SLC35F3: variants seen among roughly 807,000 people sequenced by gnomAD.
SLC35F3 encodes solute carrier family 35 member F3.
Under a neutral mutation model 49.9 loss-of-function variants are expected in SLC35F3, and 25 were observed. The observed-to-expected ratio is 0.50, with a 90% CI of 0.37 to 0.70. SLC35F3 has a LOEUF of 0.70. Among genes scored for constraint, SLC35F3 ranks in the 30% least tolerant of loss-of-function variants. SLC35F3 has a pLI of 0.00. For missense variants in SLC35F3, 525 were observed against 639.8 expected (o/e 0.82, Z 1.94); for synonymous variants, 275 against 265.4 (o/e 1.04, Z -0.35).
At chr1:234,203,828 T>C (rs990190395) in intron 2 of SLC35F3, among the ~76,000 whole-genome samples, 29 of 152,202 alleles carry the variant, frequency 1.9e-4, no homozygotes, top group African/African-American at 6.8e-4. Flanking sequence ...TTACTTATGG[T>C]AGTTAGAACA....
rs533311281 is a variant in SLC35F3 at position 234,009,445 on chromosome 1, C to T, written c.283+103687C>T. On this transcript the variant is annotated intron_variant, in intron 2 of 7. Transcript: ENST00000366618. ...GATGACATGTAATCACACAGGGCTC[C>T]TCTGAACCAGAATTTTCTTTTAATT... Among the ~76,000 whole-genome samples the T allele has an allele frequency of 2.0e-5, 3 of 152,344 alleles. No homozygotes were observed. In the East Asian group the frequency reaches 5.8e-4, roughly 29 times the overall value.
chr1:233,920,596 A>G (rs1219912042), intron 2 of SLC35F3, among the ~76,000 whole-genome samples: 1 of 152,228 alleles, frequency 6.6e-6, no homozygotes, highest in Non-Finnish European at 1.5e-5. Context: ...ACCCTTGAAT[A>G]ATCACCTCCC....
At chr1:234,071,593 A>G (rs1015470681) in intron 2 of SLC35F3, among the ~76,000 whole-genome samples, 11 of 152,368 alleles carry the variant, frequency 7.2e-5, no homozygotes, top group African/African-American at 2.6e-4. Flanking sequence ...GGCTCTCACC[A>G]TGAAAGTTAC....
At chr1:234,148,846 G>A (rs1015829805) in intron 2 of SLC35F3, among the ~76,000 whole-genome samples, 19 of 152,018 alleles carry the variant, frequency 1.2e-4, no homozygotes, top group Admixed American at 1.2e-3. Context: ...GGATATGAGG[G>A]AAGAGGAAAA....
chr1:234,322,650 C>CGT (rs55827503), intron 7 of SLC35F3, among the ~76,000 whole-genome samples: 16,053 of 144,760 alleles, frequency 0.11, 923 homozygotes, highest in Middle Eastern at 0.18. Context: ...GGGTCAAATG[C>CGT]GTGTGTGTGT....
intron 2 of SLC35F3, among the ~76,000 whole-genome samples, chr1:234,074,197 G>A (rs1415187657): frequency 2.0e-5 from 3 of 152,032 alleles, no homozygotes; most frequent in African/African-American, 7.3e-5. Context: ...GTACGTCAAG[G>A]TCACGGGTCA....
At chr1:234,117,674 C>G (rs904796030) in intron 2 of SLC35F3, among the ~76,000 whole-genome samples, 1 of 150,868 alleles carries the variant, frequency 6.6e-6, no homozygotes, top group African/African-American at 2.4e-5. Context: ...ATCACGAGGT[C>G]AGGAGATACA....
At chr1:234,244,809 T>G (rs1470376725) in intron 3 of SLC35F3, among the ~76,000 whole-genome samples, 2 of 152,128 alleles carry the variant, frequency 1.3e-5, no homozygotes, top group Non-Finnish European at 2.9e-5. Context: ...ATTTAGAGGA[T>G]TTGTGCATTT....
At chr1:234,317,871 A>G (rs1657528033) in intron 5 of SLC35F3, among the ~76,000 whole-genome samples, 1 of 152,230 alleles carries the variant, frequency 6.6e-6, no homozygotes, top group African/African-American at 2.4e-5. Flanking sequence ...CACAATCCAC[A>G]ATGAACACAA....
chr1:234,049,868 A>T (rs372863257), intron 2 of SLC35F3, among the ~76,000 whole-genome samples: 4 of 152,224 alleles, frequency 2.6e-5, no homozygotes, highest in Admixed American at 2.6e-4. Context: ...ATTCCCACCT[A>T]TGAGTAAGAA....
At chr1:234,034,917 A>G (rs1212457533) in intron 2 of SLC35F3, among the ~76,000 whole-genome samples, 1 of 152,166 alleles carries the variant, frequency 6.6e-6, no homozygotes, top group Non-Finnish European at 1.5e-5. Flanking sequence ...TTGGTTTTCT[A>G]TGACCCTATC....
At chr1:234,268,344 A>C (rs1026840851) in intron 3 of SLC35F3, among the ~76,000 whole-genome samples, 1 of 58,542 alleles carries the variant, frequency 1.7e-5, no homozygotes, top group Non-Finnish European at 3.8e-5. Flanking sequence ...AATCGCACGC[A>C]CTCGGCAGGC....
At chr1:234,209,028 G>A (rs1667014160) in intron 2 of SLC35F3, among the ~76,000 whole-genome samples, 1 of 152,162 alleles carries the variant, frequency 6.6e-6, no homozygotes, top group Non-Finnish European at 1.5e-5. Context: ...GAAAAAGTCA[G>A]CCCAGTTCCT....
At chr1:233,985,162 G>A (rs1177670973) in intron 2 of SLC35F3, among the ~76,000 whole-genome samples, 2 of 152,138 alleles carry the variant, frequency 1.3e-5, no homozygotes, top group Non-Finnish European at 2.9e-5. Flanking sequence ...ATTCATCAAA[G>A]TTTCTTTCCT....
chr1:234,145,787 A>T (rs1313898479), intron 2 of SLC35F3, among the ~76,000 whole-genome samples: 1 of 152,204 alleles, frequency 6.6e-6, no homozygotes, highest in East Asian at 1.9e-4. Context: ...TGGTATCCTC[A>T]GTGGGTCCTG....
At chr1:234,108,762 A>AAT (rs528975734) in intron 2 of SLC35F3, among the ~76,000 whole-genome samples, 1 of 78,358 alleles carries the variant, frequency 1.3e-5, no homozygotes, top group South Asian at 4.3e-4. Context: ...GATATATATA[A>AAT]ATATATATAT....
intron 2 of SLC35F3, among the ~76,000 whole-genome samples, chr1:234,105,020 C>G (rs566776328): frequency 1.3e-5 from 2 of 151,710 alleles, no homozygotes; most frequent in African/African-American, 2.4e-5. Context: ...CCCAGCTACT[C>G]TGGAGGCTGA....
intron 2 of SLC35F3, among the ~76,000 whole-genome samples, chr1:234,210,822 A>C (rs1667036624): frequency 6.6e-6 from 1 of 152,248 alleles, no homozygotes; most frequent in South Asian, 2.1e-4. Context: ...ATTCAAGCCA[A>C]CTGCAGAAAT....
chr1:233,906,270 A>G (rs559420170), intron 2 of SLC35F3, among the ~76,000 whole-genome samples: 4 of 152,012 alleles, frequency 2.6e-5, no homozygotes, highest in Non-Finnish European at 5.9e-5. Flanking sequence ...TCTCCCCTGG[A>G]TTTTATCGGT....
Sources: allele counts gnomAD v4.1 joint callset (sites outside exome capture counted in the v4.1 genomes callset), GRCh38; gene constraint gnomAD v4.1.1; transcripts MANE v1.5; gene names NCBI Gene and HGNC (gene_info 2026-07-23, HGNC 2026-07-21).